Variants in CASK observed in about 807,000 individuals in gnomAD.
CASK encodes calcium/calmodulin dependent serine protein kinase.
A neutral mutation model predicts 82.9 loss-of-function variants in CASK; 4 were observed. The ratio of observed to expected loss-of-function variants is 0.05; its 90% confidence interval spans 0.02 to 0.11. The LOEUF (loss-of-function observed/expected upper bound fraction) is 0.11. Ranked by LOEUF, CASK falls within the 10% of genes least tolerant of loss-of-function variation. The pLI, the probability that CASK is intolerant of heterozygous loss-of-function variation, is 1.00. For missense variants in CASK, 358 were observed against 720.9 expected, an observed-to-expected ratio of 0.50 and a Z score of 5.76; for synonymous variants, 259 against 253.5, an observed-to-expected ratio of 1.02 and a Z score of -0.20.
chrX:41,806,664 G>A (rs1217247208), intron 2 of CASK, among the ~76,000 whole-genome samples: 2 of 111,808 alleles, frequency 1.8e-5, no homozygotes. Context: ...AAGAAAAAAG[G>A]ACAATCTTAA....
At chrX:41,584,961 T>A (rs1391093743) in intron 14 of CASK, 1 of 112,546 alleles carries the variant, frequency 8.9e-6, no homozygotes, top group African/African-American at 3.2e-5. Flanking sequence ...ATAATCACAA[T>A]GACTAAATGA....
At chrX:41,623,346 T>A (rs2066315842) in intron 10 of CASK, among the ~76,000 whole-genome samples, 1 of 112,670 alleles carries the variant, frequency 8.9e-6, no homozygotes, top group Non-Finnish European at 1.9e-5. Context: ...TGACTTCTTA[T>A]TAGATGACAA....
intron 2 of CASK, among the ~76,000 whole-genome samples, chrX:41,801,341 C>G (rs764928875): frequency 9.0e-6 from 1 of 111,698 alleles, no homozygotes; most frequent in East Asian, 2.8e-4. Flanking sequence ...GCACCTTGGT[C>G]AAATAATTTC....
At chrX:41,606,037 C>T (rs1240698389) in intron 12 of CASK, among the ~76,000 whole-genome samples, 1 of 111,648 alleles carries the variant, frequency 9.0e-6, no homozygotes, top group Non-Finnish European at 1.9e-5. Flanking sequence ...ATTTTTCTTC[C>T]TTAATGTATA....
chrX:41,660,699 C>G, intron 7 of CASK, 138 bp from the exon 8 acceptor site: 1 of 623,763 alleles, frequency 1.6e-6, no homozygotes. Context: ...TAAAGGCTTG[C>G]ATTCTAAGAA....
intron 5 of CASK, among the ~76,000 whole-genome samples, chrX:41,672,706 C>A (rs2067212431): frequency 9.0e-6 from 1 of 111,634 alleles, no homozygotes; most frequent in African/African-American, 3.3e-5. Flanking sequence ...TTCTTTCTGT[C>A]CAAAGAAGTT....
intron 2 of CASK, among the ~76,000 whole-genome samples, chrX:41,808,646 G>A (rs531500270): frequency 3.6e-5 from 4 of 112,189 alleles, no homozygotes; most frequent in African/African-American, 6.5e-5. Context: ...CAGCGTGAGC[G>A]ACGCAGAAGA....
At chrX:41,899,287 C>T (rs2072325976) in intron 1 of CASK, among the ~76,000 whole-genome samples, 1 of 111,519 alleles carries the variant, frequency 9.0e-6, no homozygotes, top group Admixed American at 9.5e-5. Context: ...CACTTCACTT[C>T]CAGCCTATGT....
At chrX:41,880,913 T>G (rs2071939006) in intron 1 of CASK, among the ~76,000 whole-genome samples, 1 of 111,615 alleles carries the variant, frequency 9.0e-6, no homozygotes, top group Admixed American at 9.5e-5. Context: ...ATAGACCAAC[T>G]CTACAGAAAC....
intron 9 of CASK, among the ~76,000 whole-genome samples, chrX:41,633,469 C>T (rs1255917705): frequency 1.8e-5 from 2 of 111,222 alleles, no homozygotes; most frequent in Non-Finnish European, 3.8e-5. Context: ...AGATTTTCCA[C>T]ACAGCCTGGA....
chrX:41,819,410 A>T (rs1253796252), intron 2 of CASK, among the ~76,000 whole-genome samples: 1 of 111,980 alleles, frequency 8.9e-6, no homozygotes, highest in East Asian at 2.8e-4. Context: ...CACAAGAAAA[A>T]ATAGAAAATC....
chrX:41,913,592 C>T (rs760707602), intron 1 of CASK, among the ~76,000 whole-genome samples: 2 of 111,958 alleles, frequency 1.8e-5, no homozygotes, highest in South Asian at 3.7e-4. Flanking sequence ...AACAATTTTA[C>T]ACACATGGTA....
At chrX:41,892,619 G>C (rs1440929439) in intron 1 of CASK, among the ~76,000 whole-genome samples, 1 of 111,721 alleles carries the variant, frequency 9.0e-6, no homozygotes, top group Admixed American at 9.5e-5. Flanking sequence ...ACAGGTGTGA[G>C]CCACCATACC....
chrX:41,555,581 A>G lies in CASK; in HGVS notation c.1842+19T>C. 8.5e-7 allele frequency: 1 copy of G among 1,169,776 alleles called. No individual in the cohort carries two copies. Among genetic ancestry groups the G allele is most frequent in the Non-Finnish European group, 1.2e-6 (1 of 857,247 alleles). ...AGCTGCTCAGTTTAGAGAAGTTTCT[A>G]TAGAGGATATCTATTCACCTGTCGT... On this transcript the variant is annotated intron_variant, in intron 20 of 26. Transcript: ENST00000378163.
intron 1 of CASK, among the ~76,000 whole-genome samples, chrX:41,887,070 T>C (rs933569614): frequency 1.8e-5 from 2 of 110,883 alleles, no homozygotes; most frequent in Non-Finnish European, 3.8e-5. Flanking sequence ...ACAATGATAC[T>C]AGATTTTGCC....
chrX:41,782,870 C>T (rs1243622676), intron 3 of CASK, among the ~76,000 whole-genome samples: 2 of 112,103 alleles, frequency 1.8e-5, no homozygotes, highest in Admixed American at 9.5e-5. Flanking sequence ...GGAGGCTGGG[C>T]GTGGTGGCTC....
chrX:41,531,275 G>T, intron 24 of CASK, 66 bp from the exon 25 acceptor site: 1 of 861,109 alleles, frequency 1.2e-6, no homozygotes, highest in Non-Finnish European at 1.7e-6. Flanking sequence ...ACTCCCAACA[G>T]ATTTACTCAA....
chrX:41,791,439 C>T (rs1198513342), intron 2 of CASK, among the ~76,000 whole-genome samples: 1 of 110,326 alleles, frequency 9.1e-6, no homozygotes, highest in Non-Finnish European at 1.9e-5. Flanking sequence ...ATAATGGTCT[C>T]CAGCTGGGTG....
Position 41,626,634 on chromosome X carries a change from G to C in CASK, c.985C>G (p.Pro329Ala), listed in dbSNP as rs771426240. 1 of 1,203,438 alleles carries C rather than the reference G, an allele frequency of 8.3e-7. No homozygotes were observed. The highest frequency in any genetic ancestry group is 1.8e-5 in the South Asian group (1 of 56,778). The change falls in exon 10 of 27, where the codon CCA (proline) becomes GCA (alanine). Residue 329 changes from proline to alanine, a missense_variant. Coordinates refer to ENST00000378163, the MANE Select transcript of CASK (RefSeq NM_001367721.1). ...SFYGDPPEEL[P>A]DFSEDPTSSG... is the part of the protein sequence containing the mutation. ...GAGGTAGGGTCTTCGGAGAAATCTG[G>C]TAACTCTTCAGGGGGATCCCCATAG... is the stretch of plus-strand genomic sequence containing the variant.
Sources: allele counts gnomAD v4.1 joint callset (sites outside exome capture counted in the v4.1 genomes callset), GRCh38; gene constraint gnomAD v4.1.1; transcripts MANE v1.5; gene names NCBI Gene and HGNC (gene_info 2026-07-23, HGNC 2026-07-21).